Variants in OSMR observed in about 807,000 individuals in gnomAD.
OSMR encodes the protein oncostatin M receptor.
OSMR carries 81 observed loss-of-function variants against 99.9 expected under a neutral mutation model. The ratio of observed to expected loss-of-function variants is 0.81; its 90% CI spans 0.68 to 0.97. The LOEUF (loss-of-function observed/expected upper bound fraction) is 0.97, where lower values mean the gene tolerates loss of function less well. OSMR is among the 50% of genes least tolerant of loss of function. The probability of loss-of-function intolerance (pLI) is 0.00; values close to 1 mark genes in which losing one functional copy is unlikely to be tolerated. For missense variants in OSMR, 1,099 were observed against 1,153.4 expected (o/e 0.95, Z 0.68); for synonymous variants, 406 against 410.4 (o/e 0.99, Z 0.13).
chr5:38,925,833 ACT>A (rs1434631361), intron 15 of OSMR, among the ~76,000 whole-genome samples: 1 of 152,018 alleles, frequency 6.6e-6, no homozygotes, highest in Non-Finnish European at 1.5e-5. Context: ...TTGGTTCTTG[ACT>A]CTGTTAGGGC....
At chr5:38,938,052 A>C (rs1161370983), downstream of OSMR, 1 of 204,176 alleles carries the variant, frequency 4.9e-6, no homozygotes, top group Non-Finnish European at 1.0e-5. Flanking sequence ...AAAAAAATCA[A>C]GGTGAGCAAA....
intron 7 of OSMR, among the ~76,000 whole-genome samples, chr5:38,893,274 T>C (rs1372661945): frequency 6.6e-6 from 1 of 152,168 alleles, no homozygotes; most frequent in Non-Finnish European, 1.5e-5. Flanking sequence ...GCATAAGAAT[T>C]CTGGCATCAT....
intron 7 of OSMR, 62 bp from the exon 8 acceptor site, chr5:38,903,820 T>C: frequency 6.4e-7 from 1 of 1,568,932 alleles, no homozygotes; most frequent in Non-Finnish European, 8.7e-7. Flanking sequence ...AAACTGCCTA[T>C]TACCAATGTC....
intron 7 of OSMR, among the ~76,000 whole-genome samples, chr5:38,897,875 G>T (rs72635259): frequency 0.015 from 2,249 of 151,884 alleles, 46 homozygotes; most frequent in East Asian, 0.052. Context: ...CTTGATTTGG[G>T]AGCATATCGT....
At chr5:38,891,212 C>T (rs542546752) in intron 7 of OSMR, among the ~76,000 whole-genome samples, 3 of 152,276 alleles carry the variant, frequency 2.0e-5, no homozygotes, top group East Asian at 1.9e-4. Context: ...AATTTTAACT[C>T]AGATGTGCAG....
chr5:38,903,109 G>C (rs997079601), intron 7 of OSMR, among the ~76,000 whole-genome samples: 1 of 152,186 alleles, frequency 6.6e-6, no homozygotes, highest in African/African-American at 2.4e-5. Context: ...CCTGCTTGCT[G>C]TGCCAATTTT....
rs749792095 is a variant in OSMR, at chr5:38,931,960, C to A, written c.2290C>A (p.Gln764Lys). ...LIMVMCYLKSQWIKETCYPDI... is the reference protein window; with the variant it reads ...LIMVMCYLKSKWIKETCYPDI... ...CATGGTCATGTGCTACTTGAAAAGTCAGTGGTAAGTGTGTGAGGAAGGTTT... is the reference window on the plus strand; with the variant it reads ...CATGGTCATGTGCTACTTGAAAAGTAAGTGGTAAGTGTGTGAGGAAGGTTT... Residue 764 changes from glutamine (Q) to lysine (K), a missense_variant, in exon 16 of 18, where the codon CAG (glutamine) becomes AAG (lysine). Transcript: ENST00000274276. The A allele has an allele frequency of 5.0e-6, 8 of 1,611,414 alleles. No homozygotes were observed. The African/African-American group carries it at 9.4e-5, about 19-fold the overall frequency.
At chr5:38,941,585 A>G in intron 1 of OSMR, 1 of 231,522 alleles carries the variant, frequency 4.3e-6, no homozygotes, top group Non-Finnish European at 8.6e-6. Context: ...AATTTTATTC[A>G]AGAACTGTAG....
At chr5:38,937,481 C>T (rs1163533229), downstream of OSMR, among the ~76,000 whole-genome samples, 1 of 152,210 alleles carries the variant, frequency 6.6e-6, no homozygotes, top group Non-Finnish European at 1.5e-5. This position sits in a 1 kb window ranked among gnomAD's most constrained non-coding sequence, Gnocchi z 4.0. Context: ...CTTCGACACT[C>T]AACTTTATCC....
intron 1 of OSMR, among the ~76,000 whole-genome samples, chr5:38,857,108 A>C (rs960768391): frequency 6.6e-6 from 1 of 152,196 alleles, no homozygotes; most frequent in African/African-American, 2.4e-5. Flanking sequence ...TTTTAGTCTT[A>C]AGTTTTTCTG....
At chr5:38,913,705 C>G (rs991909790) in intron 9 of OSMR, among the ~76,000 whole-genome samples, 2 of 152,108 alleles carry the variant, frequency 1.3e-5, no homozygotes, top group African/African-American at 4.8e-5. Flanking sequence ...ATCAGAAAGG[C>G]TATTTTTAAA....
Position 38,884,059 on chromosome 5 carries a change from A to G in OSMR, c.651A>G (p.Ala217=), listed in dbSNP as rs1320404545. 1.9e-6 allele frequency: 3 copies of G among 1,614,108 alleles called. No individual in the cohort carries two copies. The Admixed American group carries it at 5.0e-5, about 27-fold the overall frequency. ...AAGGGACAAATATCTATTGTGAGGC[A>G]AGTCAAGGAAATGTCAGTGAAGGCA... ...RNKGTNIYCE[A]SQGNVSEGMK... The change falls in exon 5 of 18, where the codon GCA becomes GCG. Residue 217 remains alanine, a synonymous_variant. Transcript: ENST00000274276.
At chr5:38,862,364 C>T (rs1429450583) in intron 1 of OSMR, among the ~76,000 whole-genome samples, 8 of 106,752 alleles carry the variant, frequency 7.5e-5, no homozygotes, top group African/African-American at 1.6e-4. Context: ...CCAGTAGGGG[C>T]GGCCGGGCAG....
chr5:38,900,333 C>T (rs909480689), intron 7 of OSMR, among the ~76,000 whole-genome samples: 1 of 152,336 alleles, frequency 6.6e-6, no homozygotes, highest in Non-Finnish European at 1.5e-5. Flanking sequence ...GAATATCTTT[C>T]TTCCCCTTTT....
At chr5:38,916,185 A>T (rs1023911021) in intron 9 of OSMR, among the ~76,000 whole-genome samples, 1 of 152,228 alleles carries the variant, frequency 6.6e-6, no homozygotes, top group African/African-American at 2.4e-5. Flanking sequence ...TATTTTTATC[A>T]ATCAATGATT....
chr5:38,939,141 G>A (rs1217048122), downstream of OSMR: 9 of 232,898 alleles, frequency 3.9e-5, no homozygotes, highest in Non-Finnish European at 7.6e-5. Flanking sequence ...GTGCTTTAAT[G>A]TGGGGATAAA....
chr5:38,858,460 C>G (rs1461388005), intron 1 of OSMR, among the ~76,000 whole-genome samples: 1 of 152,058 alleles, frequency 6.6e-6, no homozygotes, highest in Non-Finnish European at 1.5e-5. Flanking sequence ...CTTTTTATAG[C>G]TGAATTGTAT....
chr5:38,862,415 G>GT (rs1408634929), intron 1 of OSMR, among the ~76,000 whole-genome samples: 1 of 144,226 alleles, frequency 6.9e-6, no homozygotes, highest in African/African-American at 2.6e-5. Context: ...TGGCCGGGCG[G>GT]GGGCTGACCC....
At chr5:38,865,107 T>C (rs1474854871) in intron 1 of OSMR, among the ~76,000 whole-genome samples, 3 of 152,234 alleles carry the variant, frequency 2.0e-5, no homozygotes, top group Non-Finnish European at 4.4e-5. Context: ...GACTTCTGTT[T>C]GGTTCCTTTT....
Sources: gnomAD v4.1 joint callset for allele counts (sites outside exome capture counted in the v4.1 genomes callset) on GRCh38, gnomAD v4.1.1 for gene constraint, Gnocchi (gnomAD v3.1) non-coding constraint, MANE v1.5 for transcripts, NCBI Gene and HGNC (gene_info 2026-07-23, HGNC 2026-07-21) for gene names.